The following SYPL1 variants were observed in gnomAD, a reference collection of about 807,000 sequenced individuals.
SYPL1 encodes the protein synaptophysin like 1, also known as synaptophysin-like protein 1.
A neutral mutation model predicts 23.7 loss-of-function variants in SYPL1; 6 were observed. The ratio of observed to expected loss-of-function variants is 0.25; its 90% CI spans 0.14 to 0.50. The LOEUF (loss-of-function observed/expected upper bound fraction) is 0.50. SYPL1 is among the 20% of genes least tolerant of loss of function. SYPL1 has a pLI of 0.98. For synonymous variants in SYPL1, 102 were observed against 104.5 expected (o/e 0.98, Z 0.15); for missense variants, 253 against 288.9 (o/e 0.88, Z 0.90).
Position 106,112,133 on chromosome 7 carries a change from C to T in SYPL1, c.69+7G>A. The T allele has an allele frequency of 2.7e-6, 4 of 1,508,104 alleles. No individual in the cohort carries two copies. The highest frequency in any genetic ancestry group is 1.8e-5 in the Admixed American group (1 of 54,142). The allele number at this position is 1,508,104 out of a possible 1,614,324, so 93.4% of individuals were successfully genotyped here. On this transcript the variant is annotated splice_region_variant and intron_variant, in intron 1 of 4. Coordinates refer to ENST00000455385, the MANE Select transcript of SYPL1 (RefSeq NM_182715.4). ...AGGCGGGCCTGGCCGGCGCGGGCTG[C>T]ACTCACCCACTCGAGGACCTTGATG...
rs1840048956 is a variant in SYPL1, at chr7:106,097,025, G to GTC, written c.402+664_402+665insGA. 6.6e-6 allele frequency among the ~76,000 whole-genome samples: 1 copy of GTC among 152,052 alleles called. No individual in the cohort carries two copies. Among genetic ancestry groups the GTC allele is most frequent in the East Asian group, 1.9e-4 (1 of 5,192 alleles). The stretch of plus-strand genomic sequence containing the variant: ...AGCCCAGGAGTTTGAGACCAGCCTG[G>GTC]GCAACATGGTAAAACTTCGTCTTTA... On this transcript the variant is annotated intron_variant, in intron 3 of 4. Transcript: ENST00000455385. The surrounding 1 kb of genome is among the most constrained non-coding windows in gnomAD (Gnocchi z 4.6).
rs1254301101 is a variant in SYPL1 at position 106,099,750 on chromosome 7, G to GTGA, written c.70-469_70-468insTCA. Among the ~76,000 whole-genome samples, 3 of 152,060 alleles carry GTGA rather than the reference G, an allele frequency of 2.0e-5. No individual in the cohort carries two copies. In the East Asian group the frequency reaches 5.8e-4, roughly 29 times the overall value. On this transcript the variant is annotated intron_variant, in intron 1 of 4. Coordinates refer to ENST00000455385, the MANE Select transcript of SYPL1 (RefSeq NM_182715.4). ...ACTCTGTTGTATAGACTCAAGTGTAGTGGCACAATCATAGCTTACTGCAGC... is the reference window on the plus strand; with the variant it reads ...ACTCTGTTGTATAGACTCAAGTGTAGTGATGGCACAATCATAGCTTACTGCAGC...
At position 106,091,811 on chromosome 7, in the gene SYPL1, T is replaced by A; in HGVS notation, c.720A>T (p.Gly240=). The A allele has an allele frequency of 6.2e-7, 1 of 1,610,884 alleles. No individual in the cohort carries two copies. The highest frequency in any genetic ancestry group is 1.7e-5 in the Admixed American group (1 of 59,254). ...HSQGGIPPPT[G]I ...AGTGTATTTCTCCCTTTAATTATAT[T>A]CCGGTAGGAGGTGGAATACCTCCTT... The change falls in exon 5 of 5, where the codon GGA becomes GGT. Residue 240 remains glycine, a synonymous_variant. Coordinates refer to ENST00000455385, the MANE Select transcript of SYPL1 (RefSeq NM_182715.4). This position sits in a 1 kb window ranked among gnomAD's most constrained non-coding sequence, Gnocchi z 5.0.
chr7:106,092,129 T>C (rs1164631305), intron 4 of SYPL1, among the ~76,000 whole-genome samples, 190 bp from the exon 5 acceptor site: 1 of 152,240 alleles, frequency 6.6e-6, no homozygotes, highest in Non-Finnish European at 1.5e-5. Context: ...AATGTGGTTA[T>C]ATAATGACTT....
intron 1 of SYPL1, among the ~76,000 whole-genome samples, chr7:106,110,996 C>G (rs1005977104): frequency 6.6e-6 from 1 of 152,102 alleles, no homozygotes; most frequent in African/African-American, 2.4e-5. Context: ...TTAAAAAAAT[C>G]AAGTATATTT....
In SYPL1 at chr7:106,093,142, A is replaced by G. The variant is rs774092170; in HGVS notation, c.403-5T>C. On this transcript the variant is annotated splice_region_variant and splice_polypyrimidine_tract_variant and intron_variant, in intron 3 of 4. Coordinates refer to ENST00000455385, the MANE Select transcript of SYPL1 (RefSeq NM_182715.4). ...AACAAGTGTAACAACAAAGTCCTAA[A>G]GCAAAAATCAGTAAGAGTTAATAAT... 1.3e-6 allele frequency: 2 copies of G among 1,586,840 alleles called. No individual in the cohort carries two copies. The highest frequency in any genetic ancestry group is 1.2e-5 in the South Asian group (1 of 85,928).
At chr7:106,092,544 A>G (rs1232598212) in intron 4 of SYPL1, 1 of 308,998 alleles carries the variant, frequency 3.2e-6, no homozygotes, top group Non-Finnish European at 6.2e-6. Flanking sequence ...GTGGTGGCAC[A>G]TGCCTGTAAT....
At position 106,112,164 on chromosome 7, in the gene SYPL1, G is replaced by A. The variant is rs147008337; in HGVS notation, c.45C>T (p.Leu15=). ...QINLNPLKEP[L]GFIKVLEWIA... ...CCCACTCGAGGACCTTGATGAAGCC[G>A]AGTGGCTCCTTGAGCGGGTTGAGGT... Residue 15 remains leucine (L), a synonymous_variant, in exon 1 of 5, where the codon CTC becomes CTT. Transcript: ENST00000455385. The A allele has an allele frequency of 1.9e-6, 3 of 1,543,866 alleles. No homozygotes were observed. Among genetic ancestry groups the A allele is most frequent in the South Asian group, 1.2e-5 (1 of 85,654 alleles).
rs1339087860 is a variant in SYPL1 at position 106,091,316 on chromosome 7, T to C, written c.*489A>G. On this transcript the variant is annotated 3_prime_UTR_variant, in exon 5 of 5. Coordinates refer to ENST00000455385, the MANE Select transcript of SYPL1 (RefSeq NM_182715.4). This position sits in a 1 kb window ranked among gnomAD's most constrained non-coding sequence, Gnocchi z 5.0. ...TAAAAAAAAATCATAACATAAACAA[T>C]GTTAGATATAAATTTTGAACTCAAT... The C allele has an allele frequency of 6.6e-6, 1 of 152,512 alleles. No homozygotes were observed. The highest frequency in any genetic ancestry group is 1.9e-4 in the East Asian group (1 of 5,194). The allele number at this position is 152,512 out of a possible 1,614,324, so 9.4% of individuals were successfully genotyped here.
chr7:106,093,065 C>G lies in SYPL1; in HGVS notation c.475G>C (p.Asp159His), dbSNP rs746344337. The G allele has an allele frequency of 1.2e-6, 2 of 1,613,792 alleles. No homozygotes were observed. Among genetic ancestry groups the G allele is most frequent in the Non-Finnish European group, 1.7e-6 (2 of 1,179,836 alleles). ...TTGTGACCAGTAGCTATTTTAATATCTGTCAGAGCTTTAGCCCAGGCTGAA... is the reference window on the plus strand; with the variant it reads ...TTGTGACCAGTAGCTATTTTAATATGTGTCAGAGCTTTAGCCCAGGCTGAA... The part of the protein sequence containing the change: ...STSAWAKALT[D>H]IKIATGHNII... Residue 159 changes from aspartate to histidine, a missense_variant, in exon 4 of 5, where the codon GAT (aspartate) becomes CAT (histidine). Coordinates refer to ENST00000455385, the MANE Select transcript of SYPL1 (RefSeq NM_182715.4).
chr7:106,107,186 T>C (rs1840645668), intron 1 of SYPL1, among the ~76,000 whole-genome samples: 1 of 152,234 alleles, frequency 6.6e-6, no homozygotes, highest in Non-Finnish European at 1.5e-5. Flanking sequence ...AAATGAAATA[T>C]TATAGCACGT....
chr7:106,112,216 G>C lies in SYPL1; in HGVS notation c.-8C>G, dbSNP rs1258402886. 4 of 1,540,700 alleles carry C rather than the reference G, an allele frequency of 2.6e-6. No homozygotes were observed. The African/African-American group carries it at 5.6e-5, about 22-fold the overall frequency. ...GATCTGGAAGCCGGACATCCTCTGA[G>C]GAAAGGAGGGAGAGAGAGTCAGGAC... On this transcript the variant is annotated 5_prime_UTR_variant, in exon 1 of 5. Coordinates refer to ENST00000455385, the MANE Select transcript of SYPL1 (RefSeq NM_182715.4).
At chr7:106,105,788 C>T (rs1396112370) in intron 1 of SYPL1, among the ~76,000 whole-genome samples, 2 of 152,140 alleles carry the variant, frequency 1.3e-5, no homozygotes, top group Non-Finnish European at 2.9e-5. Context: ...GAATCTCATA[C>T]ATGGAAGGAC....
intron 1 of SYPL1, among the ~76,000 whole-genome samples, chr7:106,108,679 T>C (rs546720191): frequency 6.6e-6 from 1 of 152,334 alleles, no homozygotes; most frequent in East Asian, 1.9e-4. Flanking sequence ...ATTTAAGTCG[T>C]AAATCCAGAT....
rs77392584 is a variant in SYPL1 at position 106,100,730 on chromosome 7, T to G, written c.70-1448A>C. On this transcript the variant is annotated intron_variant, in intron 1 of 4. Coordinates refer to ENST00000455385, the MANE Select transcript of SYPL1 (RefSeq NM_182715.4). The surrounding 1 kb of genome is among the most constrained non-coding windows in gnomAD (Gnocchi z 5.1). ...GCCTTCTAAATGATCTCTCTGCTTC[T>G]GCCCTTGCCCCAGCTTCAGTCTGTT... 2.2e-4 allele frequency among the ~76,000 whole-genome samples: 33 copies of G among 152,340 alleles called. No individual in the cohort carries two copies. In the East Asian group the frequency reaches 6.4e-3, roughly 29 times the overall value.
chr7:106,112,176 G>T lies in SYPL1; in HGVS notation c.33C>A (p.Leu11=). 1 of 1,545,488 alleles carries T rather than the reference G, an allele frequency of 6.5e-7. No individual in the cohort carries two copies. Among genetic ancestry groups the T allele is most frequent in the African/African-American group, 1.4e-5 (1 of 71,598 alleles). The part of the protein sequence containing the change: MSGFQINLNP[L]KEPLGFIKVL... ...CCTTGATGAAGCCGAGTGGCTCCTT[G>T]AGCGGGTTGAGGTTGATCTGGAAGC... Residue 11 remains leucine (L), a synonymous_variant, in exon 1 of 5, where the codon CTC becomes CTA. Transcript: ENST00000455385.
At position 106,097,530 on chromosome 7, in the gene SYPL1, T is replaced by C. The variant is rs532615509; in HGVS notation, c.402+160A>G. 2.6e-5 allele frequency among the ~76,000 whole-genome samples: 4 copies of C among 152,284 alleles called. No homozygotes were observed. The South Asian group carries it at 8.3e-4, about 32-fold the overall frequency. ...TATAGTGCAAATAGGCTAAAAAAAA[T>C]TGAGTTAAACTTAATGGGAGAAAGC... On this transcript the variant is annotated intron_variant, in intron 3 of 4. Transcript: ENST00000455385. The surrounding 1 kb of genome is among the most constrained non-coding windows in gnomAD (Gnocchi z 4.6).
rs761656441 is a variant in SYPL1 at position 106,092,994 on chromosome 7, A to G, written c.546T>C (p.Cys182=). ...LPPCKKKAVL[C]YFGSVTSMGS... is the part of the protein sequence containing the mutation. Reference sequence around the variant, plus strand: ...CCATACTGGTCACAGAGCCAAAGTAACACAGTACTGCTTTCTTCTTACAAG... The same window carrying G: ...CCATACTGGTCACAGAGCCAAAGTAGCACAGTACTGCTTTCTTCTTACAAG... Residue 182 remains cysteine, a synonymous_variant, in exon 4 of 5, where the codon TGT becomes TGC. Coordinates refer to ENST00000455385, the MANE Select transcript of SYPL1 (RefSeq NM_182715.4). 7 of 1,612,928 alleles carry G rather than the reference A, an allele frequency of 4.3e-6. No individual in the cohort carries two copies. In the South Asian group the frequency reaches 7.7e-5, roughly 18 times the overall value.
intron 1 of SYPL1, chr7:106,111,822 G>C (rs1010724560): frequency 5.8e-6 from 1 of 171,932 alleles, no homozygotes; most frequent in African/African-American, 2.4e-5. Context: ...CTTCCTCTGC[G>C]GGAGGCAGTG....
Sources: allele counts gnomAD v4.1 joint callset (sites outside exome capture counted in the v4.1 genomes callset), GRCh38; gene constraint gnomAD v4.1.1; non-coding constraint Gnocchi (gnomAD v3.1); transcripts MANE v1.5; gene names NCBI Gene and HGNC (gene_info 2026-07-23, HGNC 2026-07-21).